ZCCHC2: variants seen among roughly 807,000 people sequenced by gnomAD.
The protein encoded by ZCCHC2 is zinc finger CCHC-type containing 2.
A neutral mutation model predicts 103.6 loss-of-function variants in ZCCHC2; 39 were observed. That is an observed-to-expected ratio of 0.38 (90% confidence interval 0.29 to 0.49). The LOEUF is 0.49. ZCCHC2 is among the 20% of genes least tolerant of loss of function. The pLI is 0.96. For synonymous variants in ZCCHC2, 687 were observed against 608.9 expected, an observed-to-expected ratio of 1.13 and a Z score of -1.89; for missense variants, 1,483 against 1,491.0, an observed-to-expected ratio of 0.99 and a Z score of 0.09.
intron 3 of ZCCHC2, among the ~76,000 whole-genome samples, chr18:62,543,567 C>A (rs1438078286): frequency 6.6e-6 from 1 of 152,190 alleles, no homozygotes; most frequent in Non-Finnish European, 1.5e-5. Flanking sequence ...TGCTGGAGCT[C>A]ACAGCTTGCC....
At chr18:62,563,400 T>C (rs774957864) in intron 9 of ZCCHC2, among the ~76,000 whole-genome samples, 7 of 152,228 alleles carry the variant, frequency 4.6e-5, no homozygotes, top group Non-Finnish European at 7.3e-5. Flanking sequence ...GGGTCACGCT[T>C]CTAATCCCAG....
chr18:62,554,546 C>A (rs1004312690), intron 5 of ZCCHC2, among the ~76,000 whole-genome samples: 12 of 152,286 alleles, frequency 7.9e-5, no homozygotes, highest in African/African-American at 2.4e-4. Context: ...AGTTTGCATG[C>A]TGATTTCAGT....
chr18:62,547,736 AT>A (rs1363790968), intron 4 of ZCCHC2, among the ~76,000 whole-genome samples: 1 of 151,646 alleles, frequency 6.6e-6, no homozygotes, highest in African/African-American at 2.4e-5. Context: ...TAATTTTTGT[AT>A]TTTCAGTAGA....
chr18:62,580,377 C>T (rs1042450143), downstream of ZCCHC2, among the ~76,000 whole-genome samples: 3 of 152,208 alleles, frequency 2.0e-5, no homozygotes, highest in South Asian at 2.1e-4. Flanking sequence ...GGGAGTGCAG[C>T]GGCTGGGTTG....
rs548973134 is a variant in ZCCHC2 at position 62,560,684 on chromosome 18, GT to G, written c.1550+44del. The stretch of plus-strand genomic sequence containing the variant: ...TCTAAAACAAAAAGTGCTTTGGTAT[GT>G]TTTAAAATCAATGTAACATTTAATT... On this transcript the variant is annotated intron_variant, in intron 8 of 13. Coordinates refer to ENST00000269499, the MANE Select transcript of ZCCHC2 (RefSeq NM_017742.6). 5.3e-6 allele frequency: 8 copies of G among 1,507,246 alleles called. No homozygotes were observed. The Admixed American group carries it at 8.6e-5, about 16-fold the overall frequency. The allele number at this position is 1,507,246 out of a possible 1,614,324, so 93.4% of individuals were successfully genotyped here.
In ZCCHC2 at chr18:62,574,500, G is replaced by T. The variant is rs767666189; in HGVS notation, c.2419G>T (p.Ala807Ser). ...STFLPHSSTP[A>S]LHLTVQRLKL... Reference sequence around the variant, plus strand: ...CTTCCTTCCACACAGTAGTACTCCCGCTTTGCATCTTACAGTTCAGAGGCT... The same window carrying T: ...CTTCCTTCCACACAGTAGTACTCCCTCTTTGCATCTTACAGTTCAGAGGCT... Residue 807 changes from alanine to serine, a missense_variant, in exon 13 of 14, where the codon GCT (alanine) becomes TCT (serine). Ala to Ser is a moderately conservative substitution (Grantham distance 99). Transcript: ENST00000269499. 1 of 1,613,890 alleles carries T rather than the reference G, an allele frequency of 6.2e-7. No individual in the cohort carries two copies. The highest frequency in any genetic ancestry group is 1.3e-5 in the African/African-American group (1 of 75,004).
At chr18:62,533,382 C>T (rs1014822107) in intron 1 of ZCCHC2, among the ~76,000 whole-genome samples, 60 of 149,904 alleles carry the variant, frequency 4.0e-4, no homozygotes, top group African/African-American at 1.4e-3. Context: ...AAAAATTAGT[C>T]GGGCGTGTAG....
intron 10 of ZCCHC2, 86 bp downstream of exon 10, chr18:62,564,721 T>C: frequency 9.6e-7 from 1 of 1,043,240 alleles, no homozygotes; most frequent in South Asian, 1.9e-5. Flanking sequence ...AGTATTTTTT[T>C]AGTTAGTTTT....
rs1225079809 is a variant in ZCCHC2, at chr18:62,570,123, T to C, written c.1867T>C (p.Ser623Pro). 2 of 1,610,348 alleles carry C rather than the reference T, an allele frequency of 1.2e-6. No homozygotes were observed. Among genetic ancestry groups the C allele is most frequent in the Non-Finnish European group, 1.7e-6 (2 of 1,178,416 alleles). Reference protein sequence around the residue: ...TVKDVNLDIGSGHDTCGETSS... With the variant: ...TVKDVNLDIGPGHDTCGETSS... ...TTTAGATGTGAATTTGGACATTGGC[T>C]CTGGACATGACACATGTGGAGAAAC... Residue 623 changes from serine (S) to proline (P), a missense_variant, in exon 12 of 14, where the codon TCT (serine) becomes CCT (proline). Ser to Pro is a moderately conservative substitution (Grantham distance 74). Coordinates refer to ENST00000269499, the MANE Select transcript of ZCCHC2 (RefSeq NM_017742.6).
chr18:62,524,219 G>T lies in ZCCHC2; in HGVS notation c.795G>T (p.Met265Ile). 1 of 1,549,970 alleles carries T rather than the reference G, an allele frequency of 6.5e-7. No individual in the cohort carries two copies. The highest frequency in any genetic ancestry group is 2.4e-5 in the East Asian group (1 of 40,828). The change falls in exon 1 of 14, where the codon ATG becomes ATT. Residue 265 changes from methionine to isoleucine, a missense_variant. This residue lies in a region of ZCCHC2 where 568 missense variants were observed against 525.1 expected (regional missense o/e 1.08). Transcript: ENST00000269499. The stretch of plus-strand genomic sequence containing the variant: ...AGGAACTGCTGCTGCTCTTCACCAT[G>T]GCCTCGCTGCACCCGGCTTTCTCCT... ...AQEELLLLFTMASLHPAFSFH... is the reference protein window; with the variant it reads ...AQEELLLLFTIASLHPAFSFH...
At chr18:62,550,815 T>C (rs1234074860) in intron 5 of ZCCHC2, among the ~76,000 whole-genome samples, 1 of 152,222 alleles carries the variant, frequency 6.6e-6, no homozygotes, top group African/African-American at 2.4e-5. Flanking sequence ...GTGCCTGGGC[T>C]GGTGGGTGGG....
rs567549754 is a variant in ZCCHC2 at position 62,540,244 on chromosome 18, G to A, written c.1051+452G>A. Among the ~76,000 whole-genome samples, 12 of 152,298 alleles carry A rather than the reference G, an allele frequency of 7.9e-5. No homozygotes were observed. In the South Asian group the frequency reaches 2.5e-3, roughly 32 times the overall value. On this transcript the variant is annotated intron_variant, in intron 2 of 13. Coordinates refer to ENST00000269499, the MANE Select transcript of ZCCHC2 (RefSeq NM_017742.6). ...GAGGGCTGGAATGAATGGGTGGAAG[G>A]ACATTGCCATCTGAACAGGAATGAA...
At chr18:62,579,695 G>A (rs988374995), downstream of ZCCHC2, among the ~76,000 whole-genome samples, 10 of 152,072 alleles carry the variant, frequency 6.6e-5, no homozygotes, top group South Asian at 1.0e-3. Context: ...CTACACTAAG[G>A]TAACCACTGC....
In ZCCHC2 at chr18:62,550,513, C is replaced by T. The variant is rs530859512; in HGVS notation, c.1313+53C>T. 5.0e-5 allele frequency: 68 copies of T among 1,363,548 alleles called. No individual in the cohort carries two copies. The African/African-American group carries it at 8.4e-4, about 17-fold the overall frequency. 84.5% of individuals were successfully genotyped at this position (1,363,548 alleles called of 1,614,324 possible). On this transcript the variant is annotated intron_variant, in intron 5 of 13. Coordinates refer to ENST00000269499, the MANE Select transcript of ZCCHC2 (RefSeq NM_017742.6). The stretch of plus-strand genomic sequence containing the variant: ...GCAGCATACACACAGGACAAAGGGC[C>T]GCTCCAAATGGGGTCTTCAGGTGGG...
At chr18:62,557,473 G>C (rs1222324289) in intron 6 of ZCCHC2, among the ~76,000 whole-genome samples, 4 of 152,176 alleles carry the variant, frequency 2.6e-5, no homozygotes, top group Non-Finnish European at 2.9e-5. Context: ...CTCTAATTAA[G>C]TGTGTTAATG....
intron 13 of ZCCHC2, 144 bp from the exon 14 acceptor site, chr18:62,576,368 A>G (rs1425050098): frequency 3.3e-6 from 2 of 612,230 alleles, no homozygotes; most frequent in African/African-American, 3.7e-5. Flanking sequence ...TGCTTTTTAA[A>G]GTGAGCGGAT....
At chr18:62,583,485 C>G (rs1917087688), downstream of ZCCHC2, among the ~76,000 whole-genome samples, 1 of 152,154 alleles carries the variant, frequency 6.6e-6, no homozygotes, top group African/African-American at 2.4e-5. Context: ...TACCTGTTTT[C>G]TTAACAGCAC....
At chr18:62,554,841 T>C (rs77577588) in intron 5 of ZCCHC2, among the ~76,000 whole-genome samples, 1,736 of 152,364 alleles carry the variant, frequency 0.011, 12 homozygotes, top group Non-Finnish European at 0.018. Context: ...TTCACCCATG[T>C]CTTCCTGTTG....
chr18:62,546,568 A>T (rs1168205890), intron 4 of ZCCHC2, among the ~76,000 whole-genome samples: 1 of 152,178 alleles, frequency 6.6e-6, no homozygotes, highest in African/African-American at 2.4e-5. Context: ...TGAGGCTGAA[A>T]AGCCTTGAAA....
Sources: allele counts gnomAD v4.1 joint callset (sites outside exome capture counted in the v4.1 genomes callset), GRCh38; gene constraint gnomAD v4.1.1; regional missense constraint gnomAD v4.1.1; transcripts MANE v1.5; gene names NCBI Gene and HGNC (gene_info 2026-07-23, HGNC 2026-07-21).